CCDC60: variants seen among roughly 807,000 people sequenced by gnomAD.
CCDC60 encodes the protein coiled-coil domain containing 60, also known as coiled-coil domain-containing protein 60.
A neutral mutation model predicts 63.5 loss-of-function variants in CCDC60; 54 were observed. That is an observed-to-expected ratio of 0.85 (90% CI 0.68 to 1.07). The LOEUF is 1.07. Ranked by LOEUF, CCDC60 falls within the 50% of genes least tolerant of loss-of-function variation. The pLI, the probability that CCDC60 is intolerant of heterozygous loss-of-function variation, is 0.00. For synonymous variants in CCDC60, 206 were observed against 238.8 expected, an observed-to-expected ratio of 0.86 and a Z score of 1.27; for missense variants, 651 against 684.3, an observed-to-expected ratio of 0.95 and a Z score of 0.54.
At chr12:119,390,935 C>G (rs980454201) in intron 1 of CCDC60, among the ~76,000 whole-genome samples, 2 of 152,228 alleles carry the variant, frequency 1.3e-5, no homozygotes, top group Non-Finnish European at 2.9e-5. Context: ...TGCCACTTGG[C>G]TTAATTTCCT....
chr12:119,343,564 G>A (rs1177956906), intron 1 of CCDC60, among the ~76,000 whole-genome samples: 1 of 151,782 alleles, frequency 6.6e-6, no homozygotes, highest in Non-Finnish European at 1.5e-5. Flanking sequence ...CAGACTTGTG[G>A]TCTTCTCCCA....
At chr12:119,445,931 G>T (rs1950534857) in intron 2 of CCDC60, among the ~76,000 whole-genome samples, 1 of 152,132 alleles carries the variant, frequency 6.6e-6, no homozygotes. Context: ...GAGGGATGGG[G>T]ACGGGGGGTG....
intron 5 of CCDC60, among the ~76,000 whole-genome samples, chr12:119,492,223 G>A (rs997029709): frequency 6.6e-6 from 1 of 152,136 alleles, no homozygotes; most frequent in Admixed American, 6.5e-5. Flanking sequence ...GACAATGCTG[G>A]TAAATGTTTT....
chr12:119,482,285 C>T (rs977040521), intron 4 of CCDC60, among the ~76,000 whole-genome samples: 4 of 151,742 alleles, frequency 2.6e-5, no homozygotes, highest in Non-Finnish European at 5.9e-5. Context: ...GATCTCCTGA[C>T]AGCTAAGTCA....
intron 7 of CCDC60, among the ~76,000 whole-genome samples, chr12:119,512,814 T>C (rs1338758382): frequency 6.6e-6 from 1 of 152,258 alleles, no homozygotes; most frequent in Non-Finnish European, 1.5e-5. Flanking sequence ...TGTTTAAGGC[T>C]CTCCCTTTGG....
chr12:119,335,888 G>T (rs939465027), intron 1 of CCDC60, among the ~76,000 whole-genome samples: 4 of 151,814 alleles, frequency 2.6e-5, no homozygotes, highest in Admixed American at 1.3e-4. Flanking sequence ...CCTATGTCCT[G>T]AATGGTATTG....
At chr12:119,475,777 G>A (rs531299876) in intron 3 of CCDC60, among the ~76,000 whole-genome samples, 8 of 152,028 alleles carry the variant, frequency 5.3e-5, no homozygotes, top group African/African-American at 1.9e-4. Flanking sequence ...TTATTATGAG[G>A]ATTAAATGAA....
intron 11 of CCDC60, among the ~76,000 whole-genome samples, chr12:119,528,244 G>C (rs1952746261): frequency 6.6e-6 from 1 of 152,074 alleles, no homozygotes; most frequent in Non-Finnish European, 1.5e-5. Context: ...AACACCTACT[G>C]TGTGTCTGGC....
chr12:119,335,949 A>T (rs1408464228), intron 1 of CCDC60, among the ~76,000 whole-genome samples: 2 of 152,082 alleles, frequency 1.3e-5, no homozygotes, highest in African/African-American at 4.8e-5. Context: ...TTGTAGGGAC[A>T]TGGATGAAAT....
intron 12 of CCDC60, among the ~76,000 whole-genome samples, chr12:119,529,012 T>G (rs1292060839): frequency 6.6e-6 from 1 of 152,104 alleles, no homozygotes; most frequent in East Asian, 1.9e-4. Context: ...GACTTGCAAA[T>G]AAGGACAACC....
intron 1 of CCDC60, among the ~76,000 whole-genome samples, chr12:119,412,736 A>G (rs957132884): frequency 1.3e-5 from 2 of 151,894 alleles, no homozygotes; most frequent in Non-Finnish European, 2.9e-5. Flanking sequence ...GTGAATATTT[A>G]ATGAGAAAAG....
At chr12:119,460,769 C>T (rs1950842347) in intron 2 of CCDC60, among the ~76,000 whole-genome samples, 1 of 152,152 alleles carries the variant, frequency 6.6e-6, no homozygotes, top group South Asian at 2.1e-4. Context: ...ATTCTGGACA[C>T]TGAGAAAATA....
chr12:119,395,624 G>C (rs1956238220), intron 1 of CCDC60, among the ~76,000 whole-genome samples: 1 of 152,186 alleles, frequency 6.6e-6, no homozygotes, highest in African/African-American at 2.4e-5. Context: ...CAGGGACAAA[G>C]ACCCAAACCA....
chr12:119,390,413 C>T (rs1956135720), intron 1 of CCDC60, among the ~76,000 whole-genome samples: 1 of 152,180 alleles, frequency 6.6e-6, no homozygotes, highest in Non-Finnish European at 1.5e-5. Flanking sequence ...GTCTTTCTCT[C>T]CCACCATTCT....
At chr12:119,347,946 A>G (rs1955614645) in intron 1 of CCDC60, among the ~76,000 whole-genome samples, 1 of 152,230 alleles carries the variant, frequency 6.6e-6, no homozygotes, top group Non-Finnish European at 1.5e-5. Flanking sequence ...AAATACTGAC[A>G]TTTCCAGAGA....
chr12:119,446,943 T>C (rs1185779081), intron 2 of CCDC60, among the ~76,000 whole-genome samples: 1 of 152,214 alleles, frequency 6.6e-6, no homozygotes, highest in Non-Finnish European at 1.5e-5. Flanking sequence ...TGCCTTCTAC[T>C]AAGCTCCTGC....
chr12:119,448,027 A>AT (rs1950571627), intron 2 of CCDC60: 1 of 152,100 alleles, frequency 6.6e-6, no homozygotes, highest in African/African-American at 2.4e-5. Context: ...ATGGAGTGGA[A>AT]TGGGGACATG....
chr12:119,435,884 C>T (rs1950314854), intron 2 of CCDC60, among the ~76,000 whole-genome samples: 2 of 152,172 alleles, frequency 1.3e-5, no homozygotes. Flanking sequence ...GGTGGTTTTG[C>T]TGATCTTGGC....
At chr12:119,377,029 C>T (rs1955957771) in intron 1 of CCDC60, among the ~76,000 whole-genome samples, 1 of 151,932 alleles carries the variant, frequency 6.6e-6, no homozygotes, top group Admixed American at 6.6e-5. Flanking sequence ...CCAAGGTGGG[C>T]AGATTACTTG....
Sources: gnomAD v4.1 joint callset for allele counts (sites outside exome capture counted in the v4.1 genomes callset) on GRCh38, gnomAD v4.1.1 for gene constraint, MANE v1.5 for transcripts, NCBI Gene and HGNC (gene_info 2026-07-23, HGNC 2026-07-21) for gene names.